The following ERCC4 variants were observed in gnomAD, a reference collection of about 807,000 sequenced individuals.
The protein encoded by ERCC4 is ERCC excision repair 4, endonuclease catalytic subunit, also known as DNA repair endonuclease XPF.
In ERCC4, 65 loss-of-function variants were observed where a neutral mutation model predicts 76.9. The observed-to-expected ratio is 0.84, with a 90% CI of 0.69 to 1.04. The LOEUF is 1.04. Among genes scored for constraint, ERCC4 ranks in the 50% least tolerant of loss-of-function variants. The pLI is 0.00. For missense variants in ERCC4, 1,214 were observed against 1,128.2 expected (o/e 1.08, Z -1.09); for synonymous variants, 463 against 410.1 (o/e 1.13, Z -1.56).
intron 4 of ERCC4, 21 bp from the exon 5 acceptor site, chr16:13,930,689 C>T (rs771119268): frequency 1.9e-6 from 3 of 1,596,994 alleles, no homozygotes; most frequent in Non-Finnish European, 1.7e-6. Context: ...TTAGCAATAC[C>T]AAATTTTATT....
chr16:13,950,739 G>A lies in ERCC4; in HGVS notation c.*2392G>A, dbSNP rs1379404798. On this transcript the variant is annotated 3_prime_UTR_variant, in exon 11 of 11. Coordinates refer to ENST00000311895, the MANE Select transcript of ERCC4 (RefSeq NM_005236.3). ...TTTTTCCTCTTGTATAATTCCACTT[G>A]CTTTTAATTGTTGTTTCATTATATA... 3 of 192,898 alleles carry A rather than the reference G, an allele frequency of 1.6e-5. No individual in the cohort carries two copies. Among genetic ancestry groups the A allele is most frequent in the Non-Finnish European group, 3.2e-5 (3 of 92,758 alleles). The allele number at this position is 192,898 out of a possible 1,614,324, so 11.9% of individuals were successfully genotyped here. A position where few individuals can be genotyped will look rare whatever the true frequency, so the allele number is the denominator to read the frequency against.
chr16:13,926,783 G>GTC, intron 3 of ERCC4, 27 bp downstream of exon 3: 12 of 1,537,404 alleles, frequency 7.8e-6, no homozygotes, highest in African/African-American at 2.7e-5. Flanking sequence ...GACAAATAAT[G>GTC]ATGACATTAT....
Position 13,948,395 on chromosome 16 carries a change from C to T in ERCC4, c.*48C>T, listed in dbSNP as rs761481929. ...CCCATGCCTGTACTTTTCAGCGGCT[C>T]CTTGCCAGACATCATAGGTCATTAT... On this transcript the variant is annotated 3_prime_UTR_variant, in exon 11 of 11. Coordinates refer to ENST00000311895, the MANE Select transcript of ERCC4 (RefSeq NM_005236.3). The T allele has an allele frequency of 6.3e-7, 1 of 1,585,836 alleles. No individual in the cohort carries two copies. The highest frequency in any genetic ancestry group is 1.1e-5 in the South Asian group (1 of 90,438).
Position 13,937,729 on chromosome 16 carries a change from T to A in ERCC4, c.1812-37T>A, listed in dbSNP as rs751586405. On this transcript the variant is annotated intron_variant, in intron 8 of 10. Transcript: ENST00000311895. ...TGTTCCTTTCAGGGATTAAAAATGC[T>A]GTTTTTCCAACCTAAAAGTTCTGTC... 1.1e-5 allele frequency: 14 copies of A among 1,319,476 alleles called. No homozygotes were observed. In the South Asian group the frequency reaches 1.6e-4, roughly 15 times the overall value. The allele number at this position is 1,319,476 out of a possible 1,614,324, so 81.7% of individuals were successfully genotyped here. A position where few individuals can be genotyped will look rare whatever the true frequency, so the allele number is the denominator to read the frequency against.
At chr16:13,941,424 G>A (rs2032411397) in intron 9 of ERCC4, among the ~76,000 whole-genome samples, 1 of 152,092 alleles carries the variant, frequency 6.6e-6, no homozygotes, top group African/African-American at 2.4e-5. Flanking sequence ...ACATATTTGA[G>A]GTGCATTGTT....
intron 5 of ERCC4, 173 bp from the exon 6 acceptor site, chr16:13,931,984 C>T: frequency 1.5e-6 from 1 of 659,906 alleles, no homozygotes. Context: ...CGGACCACAC[C>T]CAGAAAACCA....
Position 13,949,385 on chromosome 16 carries a change from G to C in ERCC4, c.*1038G>C, listed in dbSNP as rs892171557. The C allele has an allele frequency of 1.1e-4, 26 of 233,294 alleles. No individual in the cohort carries two copies. Among genetic ancestry groups the C allele is most frequent in the African/African-American group, 5.5e-4 (25 of 45,318 alleles). 14.5% of individuals were successfully genotyped at this position (233,294 alleles called of 1,614,324 possible). On this transcript the variant is annotated 3_prime_UTR_variant, in exon 11 of 11. Coordinates refer to ENST00000311895, the MANE Select transcript of ERCC4 (RefSeq NM_005236.3). The stretch of plus-strand genomic sequence containing the variant: ...CCACTGCACCCCTGCCTGGGCGACA[G>C]AGTGAGACTTTGTCTCTATTACAAA...
rs2031998619 is a variant in ERCC4 at position 13,922,547 on chromosome 16, C to G, written c.388+336C>G. ...ATGTCCCTGACTGCTGTGGCCTCCA[C>G]TGTGTTTTGAATGACGAATTTCTTA... On this transcript the variant is annotated intron_variant, in intron 2 of 10. Transcript: ENST00000311895. 4.4e-5 allele frequency: 32 copies of G among 721,214 alleles called. No homozygotes were observed. The South Asian group carries it at 4.4e-4, about 10-fold the overall frequency. The allele number at this position is 721,214 out of a possible 1,614,324, so 44.7% of individuals were successfully genotyped here. A position where few individuals can be genotyped will look rare whatever the true frequency, so the allele number is the denominator to read the frequency against.
rs769817145 is a variant in ERCC4 at position 13,935,552 on chromosome 16, G to A, written c.1620G>A (p.Ser540=). 40 of 1,614,138 alleles carry A rather than the reference G, an allele frequency of 2.5e-5. No homozygotes were observed. Among genetic ancestry groups the A allele is most frequent in the Middle Eastern group, 1.6e-4 (1 of 6,062 alleles). Residue 540 remains serine, a synonymous_variant, in exon 8 of 11, where the codon TCG becomes TCA. Transcript: ENST00000311895. ...KHEEFDVNLS[S]DAAFGILKEP... ...AAGAATTTGATGTAAATTTGTCATC[G>A]GATGCTGCTTTCGGAATCCTGAAAG...
At chr16:13,926,847 A>G (rs909315833) in intron 3 of ERCC4, 91 bp downstream of exon 3, 9 of 1,011,376 alleles carry the variant, frequency 8.9e-6, no homozygotes, top group Admixed American at 3.5e-5. Flanking sequence ...TTGATGTAAT[A>G]TAATGTAAAA....
At chr16:13,939,493 G>A (rs1002030277) in intron 9 of ERCC4, among the ~76,000 whole-genome samples, 3 of 152,138 alleles carry the variant, frequency 2.0e-5, no homozygotes, top group South Asian at 2.1e-4. Context: ...AGCTGATCGG[G>A]AGCCGCTTCC....
At chr16:13,932,073 C>G (rs977490834) in intron 5 of ERCC4, 84 bp from the exon 6 acceptor site, 8 of 1,145,678 alleles carry the variant, frequency 7.0e-6, no homozygotes, top group Non-Finnish European at 7.9e-6. Flanking sequence ...CAGCCAGTTA[C>G]GTATGTAGGT....
chr16:13,939,150 C>T (rs1359615307), intron 9 of ERCC4, among the ~76,000 whole-genome samples: 2 of 152,190 alleles, frequency 1.3e-5, no homozygotes, highest in African/African-American at 4.8e-5. Context: ...ACAGACCAGG[C>T]ATTATACCAG....
intron 9 of ERCC4, 36 bp downstream of exon 9, chr16:13,937,894 A>G (rs2032335438): frequency 7.7e-7 from 1 of 1,295,362 alleles, no homozygotes; most frequent in African/African-American, 1.5e-5. Context: ...AGCCCCAACT[A>G]CATTGGAAAC....
At chr16:13,944,868 G>C in intron 10 of ERCC4, 33 bp downstream of exon 10, 1 of 1,321,064 alleles carries the variant, frequency 7.6e-7, no homozygotes, top group Non-Finnish European at 1.1e-6. Flanking sequence ...CACCTCCATT[G>C]CCTGCAAAGG....
intron 6 of ERCC4, chr16:13,933,386 C>G (rs969246999): frequency 3.3e-5 from 5 of 153,806 alleles, no homozygotes; most frequent in African/African-American, 1.2e-4. Flanking sequence ...TTAATGCCTG[C>G]TTTCTGCCTA....
In ERCC4 at chr16:13,948,916, C is replaced by G. The variant is rs1367043135; in HGVS notation, c.*569C>G. 12 of 232,490 alleles carry G rather than the reference C, an allele frequency of 5.2e-5. No homozygotes were observed. The highest frequency in any genetic ancestry group is 6.8e-5 in the Non-Finnish European group (8 of 117,662). The allele number at this position is 232,490 out of a possible 1,614,324, so 14.4% of individuals were successfully genotyped here. A position where few individuals can be genotyped will look rare whatever the true frequency, so the allele number is the denominator to read the frequency against. ...GACCCTTTGTCTACAAAGGAGCCTT[C>G]TGGAACACTGAGAAGAAACATCTCT... On this transcript the variant is annotated 3_prime_UTR_variant, in exon 11 of 11. Transcript: ENST00000311895.
In ERCC4 at chr16:13,935,599, C is replaced by T. The variant is rs1229724657; in HGVS notation, c.1667C>T (p.Pro556Leu). 1.9e-6 allele frequency: 3 copies of T among 1,614,020 alleles called. No homozygotes were observed. The highest frequency in any genetic ancestry group is 2.2e-5 in the East Asian group (1 of 44,896). The change falls in exon 8 of 11, where the codon CCG (proline) becomes CTG (leucine). Residue 556 changes from proline (P) to leucine (L), a missense_variant. Transcript: ENST00000311895. Reference sequence around the variant, plus strand: ...AAAGAACCCCTCACTATCATCCATCCGCTTCTGGGTTGCAGCGACCCCTAT... The same window carrying T: ...AAAGAACCCCTCACTATCATCCATCTGCTTCTGGGTTGCAGCGACCCCTAT... ...ILKEPLTIIH[P>L]LLGCSDPYAL...
rs1296707814 is a variant in ERCC4 at position 13,920,232 on chromosome 16, G to A, written c.67G>A (p.Val23Met). ...APLLEYERQL[V>M]LELLDTDGLV... ...GCTGCTGGAGTACGAGCGACAGCTG[G>A]TGCTGGAACTGCTCGACACTGACGG... Residue 23 changes from valine (V) to methionine (M), a missense_variant, in exon 1 of 11, where the codon GTG (valine) becomes ATG (methionine). Coordinates refer to ENST00000311895, the MANE Select transcript of ERCC4 (RefSeq NM_005236.3). 1 of 1,607,856 alleles carries A rather than the reference G, an allele frequency of 6.2e-7. No individual in the cohort carries two copies. Among genetic ancestry groups the A allele is most frequent in the Non-Finnish European group, 8.5e-7 (1 of 1,179,962 alleles).
Sources: gnomAD v4.1 joint callset for allele counts (sites outside exome capture counted in the v4.1 genomes callset) on GRCh38, gnomAD v4.1.1 for gene constraint, MANE v1.5 for transcripts, NCBI Gene and HGNC (gene_info 2026-07-23, HGNC 2026-07-21) for gene names.